Variants in ARHGAP21 observed in about 807,000 individuals in gnomAD.
The protein encoded by ARHGAP21 is rho GTPase-activating protein 21.
Under a neutral mutation model 164.6 loss-of-function variants are expected in ARHGAP21, and 38 were observed. The observed-to-expected ratio is 0.23, with a 90% CI of 0.18 to 0.30. ARHGAP21 has a LOEUF of 0.30. Among genes scored for constraint, ARHGAP21 ranks in the 10% least tolerant of loss-of-function variants. ARHGAP21 has a pLI of 1.00. For synonymous variants in ARHGAP21, 766 were observed against 857.9 expected (o/e 0.89, Z 1.87); for missense variants, 1,822 against 2,370.7 (o/e 0.77, Z 4.81).
chr10:24,620,811 T>C lies in ARHGAP21; in HGVS notation c.1084A>G (p.Arg362Gly), dbSNP rs1331135687. ...SGHSDGISSS[R>G]SQAVEAPSVS... ...GAGGGAGCCTCCACAGCTTGAGATCTGCTGCTTGAGATTCCATCAGAATGT... is the reference window on the plus strand; with the variant it reads ...GAGGGAGCCTCCACAGCTTGAGATCCGCTGCTTGAGATTCCATCAGAATGT... The change falls in exon 9 of 26, where the codon AGA becomes GGA. Residue 362 changes from arginine to glycine, a missense_variant. Arg to Gly is a moderately radical substitution (Grantham distance 125). Transcript: ENST00000396432. The C allele has an allele frequency of 1.9e-6, 3 of 1,614,172 alleles. No homozygotes were observed. In the South Asian group the frequency reaches 3.3e-5, roughly 18 times the overall value.
At position 24,647,439 on chromosome 10, in the gene ARHGAP21, T is replaced by C. The variant is rs188077346; in HGVS notation, c.269-12336A>G. On this transcript the variant is annotated intron_variant, in intron 4 of 25. Transcript: ENST00000396432. ...GAAACTGATTTCTAAATCAAAAGAG[T>C]GTCACTGGCACTTTGTGTTAGAGAG... is the stretch of plus-strand genomic sequence containing the variant. 1.4e-3 allele frequency among the ~76,000 whole-genome samples: 213 copies of C among 152,276 alleles called. 1 individual carries two copies. In the Middle Eastern group the frequency reaches 0.024, roughly 17 times the overall value.
chr10:24,596,513 G>C, intron 17 of ARHGAP21: 1 of 592,870 alleles, frequency 1.7e-6, no homozygotes, highest in Non-Finnish European at 2.8e-6. Context: ...AATTCTTACA[G>C]ACCATTTCAG....
chr10:24,631,495 GAAAC>G (rs1166337042), intron 6 of ARHGAP21, among the ~76,000 whole-genome samples: 3 of 152,160 alleles, frequency 2.0e-5, no homozygotes, highest in African/African-American at 7.2e-5. Context: ...AAGAGATTAA[GAAAC>G]AATCAACAAC....
intron 2 of ARHGAP21, among the ~76,000 whole-genome samples, chr10:24,700,048 G>T (rs1843518366): frequency 6.6e-6 from 1 of 152,110 alleles, no homozygotes; most frequent in African/African-American, 2.4e-5. Context: ...TAGGTCAATG[G>T]TTCTCCAATA....
intron 2 of ARHGAP21, among the ~76,000 whole-genome samples, chr10:24,690,837 AAT>A (rs1045822007): frequency 4.3e-4 from 63 of 147,156 alleles, no homozygotes; most frequent in East Asian, 1.5e-3. Context: ...CAAAAAAAAA[AAT>A]ATATATATAT....
chr10:24,708,230 G>A (rs927412303), intron 2 of ARHGAP21, among the ~76,000 whole-genome samples: 44 of 152,158 alleles, frequency 2.9e-4, no homozygotes, highest in African/African-American at 8.9e-4. Context: ...GCCTCTGTCC[G>A]TCCCTTAATT....
intron 2 of ARHGAP21, among the ~76,000 whole-genome samples, chr10:24,703,739 G>A (rs774066544): frequency 7.2e-5 from 11 of 151,814 alleles, no homozygotes; most frequent in Non-Finnish European, 1.0e-4. Context: ...CCTTTTCTGC[G>A]ACTTGTTTTC....
intron 4 of ARHGAP21, among the ~76,000 whole-genome samples, chr10:24,635,509 G>A (rs535802103): frequency 8.5e-5 from 13 of 152,180 alleles, no homozygotes; most frequent in Admixed American, 2.0e-4. Context: ...TTACACAGGC[G>A]GTACTCACTC....
At chr10:24,618,004 T>TGAGGCACAA (rs1218415543) in intron 9 of ARHGAP21, among the ~76,000 whole-genome samples, 8 of 151,520 alleles carry the variant, frequency 5.3e-5, no homozygotes, top group African/African-American at 1.9e-4. Flanking sequence ...GGAGCTGTGC[T>TGAGGCACAA]CTGGGACGAG....
chr10:24,592,130 T>A, intron 21 of ARHGAP21, 118 bp from the exon 22 acceptor site: 2 of 930,800 alleles, frequency 2.1e-6, no homozygotes, highest in Non-Finnish European at 3.0e-6. Flanking sequence ...TTGATGTAGA[T>A]TAAAAAAATA....
intron 4 of ARHGAP21, among the ~76,000 whole-genome samples, chr10:24,651,771 TGA>T (rs377576986): frequency 1.3e-5 from 2 of 152,208 alleles, no homozygotes; most frequent in African/African-American, 4.8e-5. Flanking sequence ...CACTCATTCA[TGA>T]GAGAGATACA....
chr10:24,679,260 A>C (rs2131868728), intron 2 of ARHGAP21, among the ~76,000 whole-genome samples: 1 of 152,340 alleles, frequency 6.6e-6, no homozygotes, highest in East Asian at 1.9e-4. Context: ...GCCCAAGATC[A>C]AGGCACCGGC....
chr10:24,605,126 C>T (rs1363521589), intron 11 of ARHGAP21, among the ~76,000 whole-genome samples: 1 of 152,078 alleles, frequency 6.6e-6, no homozygotes, highest in Non-Finnish European at 1.5e-5. Flanking sequence ...TCAGAAGACA[C>T]TGTAACTCTG....
intron 4 of ARHGAP21, among the ~76,000 whole-genome samples, chr10:24,656,435 G>T (rs1324379637): frequency 1.2e-5 from 1 of 81,164 alleles, no homozygotes; most frequent in African/African-American, 5.4e-5. Flanking sequence ...TCTGGGAGGT[G>T]AGGGGCGCCT....
chr10:24,700,370 G>A (rs1027033883), intron 2 of ARHGAP21, among the ~76,000 whole-genome samples: 5 of 152,154 alleles, frequency 3.3e-5, no homozygotes, highest in Non-Finnish European at 7.4e-5. Flanking sequence ...CACCCACAAC[G>A]CTACAGAGAG....
intron 2 of ARHGAP21, among the ~76,000 whole-genome samples, chr10:24,697,405 T>C (rs1843268688): frequency 6.6e-6 from 1 of 152,070 alleles, no homozygotes; most frequent in Non-Finnish European, 1.5e-5. Context: ...TCTAGTATGT[T>C]CCCTCTCCCA....
intron 4 of ARHGAP21, among the ~76,000 whole-genome samples, chr10:24,650,663 A>G (rs904720210): frequency 1.3e-5 from 2 of 152,242 alleles, no homozygotes; most frequent in Admixed American, 6.5e-5. Context: ...CATTAAATAC[A>G]TACGTGAAAA....
chr10:24,667,412 T>G (rs1379420868), intron 3 of ARHGAP21, among the ~76,000 whole-genome samples: 2 of 152,082 alleles, frequency 1.3e-5, no homozygotes, highest in East Asian at 3.8e-4. Context: ...CTTACTGTAC[T>G]ATACTTAAAT....
chr10:24,628,814 T>C (rs201069055), intron 7 of ARHGAP21, among the ~76,000 whole-genome samples: 1,380 of 73,116 alleles, frequency 0.019, 23 homozygotes, highest in Non-Finnish European at 0.031. Context: ...TACATATATA[T>C]ACATATACAC....
Sources: gnomAD v4.1 joint callset for allele counts (sites outside exome capture counted in the v4.1 genomes callset) on GRCh38, gnomAD v4.1.1 for gene constraint, MANE v1.5 for transcripts, NCBI Gene and HGNC (gene_info 2026-07-23, HGNC 2026-07-21) for gene names.